VPS13B: variants seen among roughly 807,000 people sequenced by gnomAD.
VPS13B encodes the protein vacuolar protein sorting 13 homolog B, also known as intermembrane lipid transfer protein VPS13B.
VPS13B carries 285 observed loss-of-function variants against 426.4 expected under a neutral mutation model. The observed-to-expected ratio is 0.67, with a 90% CI of 0.61 to 0.74. VPS13B has a LOEUF of 0.74. Among genes scored for constraint, VPS13B ranks in the 30% least tolerant of loss-of-function variants. VPS13B has a pLI of 0.00. For synonymous variants in VPS13B, 1,676 were observed against 1,676.4 expected (o/e 1.00, Z 0.01); for missense variants, 4,537 against 4,782.6 (o/e 0.95, Z 1.51).
At chr8:99,368,198 T>C (rs920667672) in intron 19 of VPS13B, among the ~76,000 whole-genome samples, 4 of 152,222 alleles carry the variant, frequency 2.6e-5, no homozygotes, top group Non-Finnish European at 5.9e-5. Context: ...ATAGCCTTAG[T>C]TTTTGTATCC....
At chr8:99,841,925 C>G (rs901954868) in intron 54 of VPS13B, among the ~76,000 whole-genome samples, 2 of 152,102 alleles carry the variant, frequency 1.3e-5, no homozygotes, top group African/African-American at 2.4e-5. Flanking sequence ...ACACAGACTC[C>G]AGCCCAGAGA....
In VPS13B at chr8:99,431,634, T is replaced by C. The variant is rs528478636; in HGVS notation, c.3180T>C (p.Val1060=). Residue 1060 remains valine (V), a synonymous_variant, in exon 22 of 62, where the codon GTT becomes GTC. Transcript: ENST00000357162. Reference sequence around the variant, plus strand: ...GAATGAAGGAATTTATTGGAATTGTTTGGAATGCAGTGAAGCATCTCACAC... The same window carrying C: ...GAATGAAGGAATTTATTGGAATTGTCTGGAATGCAGTGAAGCATCTCACAC... ...EERMKEFIGI[V]WNAVKHLTLQ... is the part of the protein sequence containing the mutation. The C allele has an allele frequency of 8.1e-6, 13 of 1,613,414 alleles. No homozygotes were observed. The African/African-American group carries it at 1.5e-4, about 18-fold the overall frequency.
intron 17 of VPS13B, among the ~76,000 whole-genome samples, chr8:99,245,044 C>T (rs754188024): frequency 7.2e-5 from 11 of 152,150 alleles, no homozygotes; most frequent in Non-Finnish European, 1.2e-4. Context: ...ATTGTTGGCT[C>T]TCTTGTGCTT....
chr8:99,170,228 C>A, intron 16 of VPS13B, 65 bp downstream of exon 16: 1 of 1,568,288 alleles, frequency 6.4e-7, no homozygotes, highest in South Asian at 1.1e-5. Flanking sequence ...AAAAAACCCC[C>A]AAATGTATCT....
rs577182865 is a variant in VPS13B at position 99,411,016 on chromosome 8, A to G, written c.3082+19312A>G. 2.0e-4 allele frequency among the ~76,000 whole-genome samples: 31 copies of G among 152,294 alleles called. 1 individual carries two copies. The South Asian group carries it at 3.5e-3, about 17-fold the overall frequency. On this transcript the variant is annotated intron_variant, in intron 21 of 61. Transcript: ENST00000357162. Reference sequence around the variant, plus strand: ...CTTTGCTGTTGTGAATAGTGTTGCAATAAACATACGTGTGCATGTGTCTTT... The same window carrying G: ...CTTTGCTGTTGTGAATAGTGTTGCAGTAAACATACGTGTGCATGTGTCTTT...
intron 23 of VPS13B, among the ~76,000 whole-genome samples, chr8:99,454,111 A>G (rs1237485254): frequency 6.6e-6 from 1 of 152,134 alleles, no homozygotes; most frequent in African/African-American, 2.4e-5. Flanking sequence ...ATCAAACAGT[A>G]TATAACTTTT....
chr8:99,759,632 A>T (rs1468384824), intron 39 of VPS13B, among the ~76,000 whole-genome samples: 1 of 152,164 alleles, frequency 6.6e-6, no homozygotes, highest in Non-Finnish European at 1.5e-5. Flanking sequence ...GGGATGGCTC[A>T]TTGGTACCTG....
At chr8:99,113,268 T>C (rs564784109) in intron 6 of VPS13B, among the ~76,000 whole-genome samples, 30 of 152,236 alleles carry the variant, frequency 2.0e-4, no homozygotes, top group African/African-American at 7.2e-4. Context: ...CTGGCTCATT[T>C]TAAATTGTTT....
At chr8:99,250,988 A>G (rs773005503) in intron 17 of VPS13B, among the ~76,000 whole-genome samples, 28 of 151,936 alleles carry the variant, frequency 1.8e-4, no homozygotes, top group Non-Finnish European at 1.0e-4. Context: ...GATAATTTCT[A>G]TTTTTATTTT....
intron 17 of VPS13B, among the ~76,000 whole-genome samples, chr8:99,253,081 C>T (rs953655022): frequency 5.9e-5 from 9 of 152,138 alleles, no homozygotes; most frequent in Middle Eastern, 3.4e-3. Flanking sequence ...TAAATGGAAT[C>T]GTGGAATATG....
intron 39 of VPS13B, among the ~76,000 whole-genome samples, chr8:99,752,402 G>A (rs936165236): frequency 6.6e-6 from 1 of 152,120 alleles, no homozygotes; most frequent in African/African-American, 2.4e-5. Flanking sequence ...CCCACCACCT[G>A]TTTTTGTAAA....
At chr8:99,145,541 C>T (rs894658164) in intron 13 of VPS13B, among the ~76,000 whole-genome samples, 3 of 133,832 alleles carry the variant, frequency 2.2e-5, no homozygotes, top group African/African-American at 8.0e-5. Context: ...TTTGTCATTT[C>T]AACAGTGTTA....
At chr8:99,547,996 C>T (rs908003325) in intron 30 of VPS13B, among the ~76,000 whole-genome samples, 2 of 152,056 alleles carry the variant, frequency 1.3e-5, no homozygotes, top group Non-Finnish European at 2.9e-5. Context: ...TTCTAGGAAA[C>T]ATTTAATTAG....
At chr8:99,242,429 A>G (rs975925770) in intron 17 of VPS13B, among the ~76,000 whole-genome samples, 2 of 152,148 alleles carry the variant, frequency 1.3e-5, no homozygotes, top group Admixed American at 6.5e-5. Flanking sequence ...GAATGGTTAT[A>G]TTTGTTTTTG....
chr8:99,319,636 TAAA>T (rs1270955434), intron 19 of VPS13B, among the ~76,000 whole-genome samples: 3 of 152,166 alleles, frequency 2.0e-5, no homozygotes. Context: ...CACTAATTTT[TAAA>T]AAATGCCCCC....
rs201618393 is a variant in VPS13B, at chr8:99,326,700, T to C, written c.2824+51446T>C. On this transcript the variant is annotated intron_variant, in intron 19 of 61. Transcript: ENST00000357162. ...AGACATGAACCACCATGCCCAGCCATCCCTGCATATTAATAAATTTCATGT... is the reference window on the plus strand; with the variant it reads ...AGACATGAACCACCATGCCCAGCCACCCCTGCATATTAATAAATTTCATGT... 1.8e-4 allele frequency among the ~76,000 whole-genome samples: 27 copies of C among 151,998 alleles called. No homozygotes were observed. The East Asian group carries it at 4.5e-3, about 25-fold the overall frequency.
Position 99,699,903 on chromosome 8 carries a change from T to G in VPS13B, c.6425T>G (p.Leu2142Arg). The change falls in exon 36 of 62, where the codon CTT becomes CGT. Residue 2142 changes from leucine to arginine, a missense_variant. By Grantham distance (102) the Leu-to-Arg change is moderately radical. Coordinates refer to ENST00000357162, the MANE Select transcript of VPS13B (RefSeq NM_152564.5). ...TCTCTCTCAAACCTCAATGGAAGCCTTAGTGTCAAGGCAACACAAAAAGTA... is the reference window on the plus strand; with the variant it reads ...TCTCTCTCAAACCTCAATGGAAGCCGTAGTGTCAAGGCAACACAAAAAGTA... The part of the protein sequence containing the change: ...LASLSNLNGS[L>R]SVKATQKVPG... 1 of 1,613,994 alleles carries G rather than the reference T, an allele frequency of 6.2e-7. No individual in the cohort carries two copies. Among genetic ancestry groups the G allele is most frequent in the Non-Finnish European group, 8.5e-7 (1 of 1,179,998 alleles).
intron 28 of VPS13B, 151 bp from the exon 29 acceptor site, chr8:99,510,953 A>G: frequency 1.3e-6 from 1 of 791,990 alleles, no homozygotes; most frequent in Non-Finnish European, 2.0e-6. Flanking sequence ...TTTTGCCCAC[A>G]TCTGCAGAAT....
intron 19 of VPS13B, among the ~76,000 whole-genome samples, chr8:99,352,477 G>C (rs1811943664): frequency 6.6e-6 from 1 of 152,102 alleles, no homozygotes; most frequent in Non-Finnish European, 1.5e-5. Flanking sequence ...ATAAAGTTGA[G>C]TTTTAAAAGA....
Sources: gnomAD v4.1 joint callset for allele counts (sites outside exome capture counted in the v4.1 genomes callset) on GRCh38, gnomAD v4.1.1 for gene constraint, MANE v1.5 for transcripts, NCBI Gene and HGNC (gene_info 2026-07-23, HGNC 2026-07-21) for gene names.